Variants in INPP4B observed in about 807,000 individuals in gnomAD.
INPP4B encodes the protein inositol polyphosphate-4-phosphatase type II B, also known as inositol polyphosphate 4-phosphatase type II.
Under a neutral mutation model 122.5 loss-of-function variants are expected in INPP4B, and 55 were observed. The observed-to-expected ratio is 0.45, with a 90% CI of 0.36 to 0.56. The LOEUF is 0.56. Ranked by LOEUF, INPP4B falls within the 20% of genes least tolerant of loss-of-function variation. The pLI is 0.00. For missense variants in INPP4B, 1,000 were observed against 1,097.7 expected (o/e 0.91, Z 1.26); for synonymous variants, 403 against 388.7 (o/e 1.04, Z -0.43).
At chr4:142,029,953 ATCCACC>A in intron 25 of INPP4B, 2 of 1,320,930 alleles carry the variant, frequency 1.5e-6, no homozygotes, top group Non-Finnish European at 1.9e-6. Flanking sequence ...GAGCAAAATA[ATCCACC>A]TAATGCATAG....
chr4:142,197,044 T>C (rs1579254442), intron 14 of INPP4B, among the ~76,000 whole-genome samples: 1 of 135,662 alleles, frequency 7.4e-6, no homozygotes, highest in South Asian at 2.3e-4. Context: ...GAGAATCGCA[T>C]GAACCTAGGA....
intron 3 of INPP4B, among the ~76,000 whole-genome samples, chr4:142,452,067 C>G (rs772715847): frequency 3.9e-5 from 6 of 152,096 alleles, no homozygotes; most frequent in Non-Finnish European, 7.4e-5. Context: ...CCCCACCTGC[C>G]GACAGGCCTC....
chr4:142,839,181 G>A (rs954632215), intron 1 of INPP4B, among the ~76,000 whole-genome samples: 26 of 152,198 alleles, frequency 1.7e-4, no homozygotes, highest in Admixed American at 2.0e-4. Flanking sequence ...CTTTGGCTGG[G>A]TCTGGTAGGC....
At chr4:142,189,411 G>A (rs1270046072) in intron 15 of INPP4B, among the ~76,000 whole-genome samples, 1 of 152,098 alleles carries the variant, frequency 6.6e-6, no homozygotes, top group Admixed American at 6.6e-5. Flanking sequence ...TATACAAGGT[G>A]CTCCATCTCT....
intron 12 of INPP4B, among the ~76,000 whole-genome samples, chr4:142,231,675 C>G (rs1465151168): frequency 1.3e-5 from 2 of 152,078 alleles, no homozygotes; most frequent in Admixed American, 6.6e-5. Flanking sequence ...ATCATAGCAG[C>G]CTTTTAAATT....
chr4:142,448,329 C>CAAAAAAAAAAA (rs71586289), intron 3 of INPP4B, among the ~76,000 whole-genome samples: 1 of 61,986 alleles, frequency 1.6e-5, no homozygotes. Context: ...TATCCATCTC[C>CAAAAAAAAAAA]AAAAAAAAAA....
rs10024733 is a variant in INPP4B, at chr4:142,231,828, C to T, written c.836+6036G>A. Reference sequence around the variant, plus strand: ...CAGCTTATACATAAATGTTTCAAATCGGGATTTAAAAAAGAGGTAAAGGGT... The same window carrying T: ...CAGCTTATACATAAATGTTTCAAATTGGGATTTAAAAAAGAGGTAAAGGGT... On this transcript the variant is annotated intron_variant, in intron 12 of 25. Coordinates refer to ENST00000262992, the MANE Select transcript of INPP4B (RefSeq NM_001101669.3). Among the ~76,000 whole-genome samples, 697 of 151,930 alleles carry T rather than the reference C, an allele frequency of 4.6e-3. 4 individuals are homozygous for T. Among genetic ancestry groups the T allele is most frequent in the African/African-American group, 0.016 (658 of 41,446 alleles).
At chr4:142,118,192 C>G (rs1020863075) in intron 21 of INPP4B, among the ~76,000 whole-genome samples, 11 of 152,084 alleles carry the variant, frequency 7.2e-5, no homozygotes, top group African/African-American at 1.2e-4. Context: ...TAGGAAGAAC[C>G]AATATCGTGA....
At chr4:142,150,786 A>T (rs1813471729) in intron 17 of INPP4B, among the ~76,000 whole-genome samples, 1 of 152,194 alleles carries the variant, frequency 6.6e-6, no homozygotes, top group East Asian at 1.9e-4. Context: ...GTGACTCAGC[A>T]TGTCACACAA....
intron 16 of INPP4B, among the ~76,000 whole-genome samples, chr4:142,167,825 A>T (rs369683245): frequency 6.6e-6 from 1 of 151,468 alleles, no homozygotes; most frequent in Non-Finnish European, 1.5e-5. Context: ...TTTTGTGTAC[A>T]TTCAAATATC....
intron 2 of INPP4B, among the ~76,000 whole-genome samples, chr4:142,612,089 G>A (rs1742666163): frequency 6.6e-6 from 1 of 152,108 alleles, no homozygotes; most frequent in Admixed American, 6.5e-5. Flanking sequence ...TGCAGGTATG[G>A]TGATCACCCC....
At chr4:142,309,550 C>T (rs1190603314) in intron 8 of INPP4B, among the ~76,000 whole-genome samples, 2 of 151,616 alleles carry the variant, frequency 1.3e-5, no homozygotes, top group Non-Finnish European at 2.9e-5. Context: ...CTGGCTTACA[C>T]ATGTCACAGA....
intron 2 of INPP4B, among the ~76,000 whole-genome samples, chr4:142,654,357 AC>A (rs1219199450): frequency 7.9e-6 from 1 of 125,926 alleles, no homozygotes; most frequent in African/African-American, 2.9e-5. Flanking sequence ...GTACCCTAGA[AC>A]TTAAAGTATA....
chr4:142,653,825 A>T (rs1403256730), intron 2 of INPP4B, among the ~76,000 whole-genome samples: 1 of 152,214 alleles, frequency 6.6e-6, no homozygotes, highest in Non-Finnish European at 1.5e-5. Context: ...TTCCTCAAGG[A>T]TCTAGAACTA....
chr4:142,371,485 G>A (rs1305262294), intron 7 of INPP4B, among the ~76,000 whole-genome samples: 1 of 151,998 alleles, frequency 6.6e-6, no homozygotes, highest in Admixed American at 6.6e-5. Flanking sequence ...GATTAAAGAG[G>A]CAACCTGTAG....
At chr4:142,202,140 A>G (rs1342815890) in intron 14 of INPP4B, among the ~76,000 whole-genome samples, 1 of 152,106 alleles carries the variant, frequency 6.6e-6, no homozygotes, top group African/African-American at 2.4e-5. Context: ...ATAGATAAGT[A>G]GAATTTAAGT....
chr4:142,658,600 G>A (rs10857397), intron 2 of INPP4B, among the ~76,000 whole-genome samples: 90,170 of 152,110 alleles, frequency 0.59, 27,978 homozygotes, highest in East Asian at 0.79. Context: ...CTTAACTTAC[G>A]GCATTACAGT....
rs557492083 is a variant in INPP4B at position 142,222,745 on chromosome 4, T to A, written c.837-13719A>T. 8.5e-5 allele frequency among the ~76,000 whole-genome samples: 13 copies of A among 152,328 alleles called. No individual in the cohort carries two copies. In the East Asian group the frequency reaches 2.5e-3, roughly 29 times the overall value. On this transcript the variant is annotated intron_variant, in intron 12 of 25. Coordinates refer to ENST00000262992, the MANE Select transcript of INPP4B (RefSeq NM_001101669.3). ...AGCTTTCTGGACAGATGGCATGCCC[T>A]GTCTGCTCTTCTGTCCATTGAGAAT...
chr4:142,464,366 A>G (rs1326782601), intron 2 of INPP4B, among the ~76,000 whole-genome samples: 2 of 152,102 alleles, frequency 1.3e-5, no homozygotes, highest in East Asian at 3.9e-4. Context: ...ATTGTACCTC[A>G]TTTGAAAGAA....
Sources: gnomAD v4.1 joint callset for allele counts (sites outside exome capture counted in the v4.1 genomes callset) on GRCh38, gnomAD v4.1.1 for gene constraint, MANE v1.5 for transcripts, NCBI Gene and HGNC (gene_info 2026-07-23, HGNC 2026-07-21) for gene names.